Variants in KLHL32 observed in about 807,000 individuals in gnomAD.
KLHL32 encodes the protein kelch like family member 32, also known as kelch-like protein 32.
KLHL32 carries 35 observed loss-of-function variants against 64.8 expected under a neutral mutation model. The observed-to-expected ratio is 0.54, with a 90% CI of 0.41 to 0.72. The LOEUF (loss-of-function observed/expected upper bound fraction) is 0.72. Ranked by LOEUF, KLHL32 falls within the 30% of genes least tolerant of loss-of-function variation. KLHL32 has a pLI of 0.00. For missense variants in KLHL32, 589 were observed against 768.5 expected, an observed-to-expected ratio of 0.77 and a Z score of 2.76; for synonymous variants, 259 against 281.0, an observed-to-expected ratio of 0.92 and a Z score of 0.78.
chr6:97,127,522 G>A, intron 8 of KLHL32, 60 bp downstream of exon 8: 1 of 1,329,132 alleles, frequency 7.5e-7, no homozygotes, highest in South Asian at 1.2e-5. Flanking sequence ...AGATTCCAGA[G>A]TAATTAGTAA....
intron 1 of KLHL32, among the ~76,000 whole-genome samples, chr6:96,931,109 AAAACAAAC>A (rs71820477): frequency 1.2e-4 from 19 of 152,178 alleles, no homozygotes; most frequent in Admixed American, 1.1e-3. Context: ...ACCAGGATAA[AAAACAAAC>A]AAACAAACAA....
rs71012578 is a variant in KLHL32 at position 96,932,205 on chromosome 6, A to ATTT, written c.-66+7193_-66+7195dup. 1.4e-3 allele frequency among the ~76,000 whole-genome samples: 143 copies of ATTT among 104,480 alleles called. 2 individuals are homozygous for ATTT. The East Asian group carries it at 0.02, about 14-fold the overall frequency. The allele number at this position is 104,480 out of a possible 152,430, so 68.5% of individuals were successfully genotyped here. A position where few individuals can be genotyped will look rare whatever the true frequency, so the allele number is the denominator to read the frequency against. On this transcript the variant is annotated intron_variant, in intron 1 of 10. Transcript: ENST00000369261. ...TTGAGCTGATAGAACTGACTGGGTT[A>ATTT]TTTTTTTTTTTTTTTTGAGATTTCA...
intron 6 of KLHL32, among the ~76,000 whole-genome samples, chr6:97,087,930 G>A (rs1793673399): frequency 6.6e-6 from 1 of 152,156 alleles, no homozygotes; most frequent in South Asian, 2.1e-4. Flanking sequence ...GCAGGCCACG[G>A]TAATCATTCT....
At chr6:97,012,903 G>C (rs981488815) in intron 3 of KLHL32, among the ~76,000 whole-genome samples, 8 of 152,184 alleles carry the variant, frequency 5.3e-5, no homozygotes, top group Non-Finnish European at 1.2e-4. Flanking sequence ...TGTTTTGGTT[G>C]TGGTTATTTT....
the KLHL32 span, among the ~76,000 whole-genome samples, chr6:96,902,979 T>G: frequency 6.6e-6 from 1 of 152,086 alleles, no homozygotes. Context: ...CCATGCTGTT[T>G]TGGTTACTGT....
chr6:97,048,039 C>A (rs1275234331), intron 4 of KLHL32, among the ~76,000 whole-genome samples: 1 of 152,180 alleles, frequency 6.6e-6, no homozygotes, highest in Non-Finnish European at 1.5e-5. Context: ...AAATACCTTA[C>A]ATGTAGTGGA....
chr6:97,083,105 G>A (rs1792827424), intron 5 of KLHL32, among the ~76,000 whole-genome samples: 1 of 152,048 alleles, frequency 6.6e-6, no homozygotes, highest in Non-Finnish European at 1.5e-5. Flanking sequence ...TTTGTACTTG[G>A]GGAAGGCTGG....
At chr6:96,994,168 C>T (rs983918703) in intron 3 of KLHL32, among the ~76,000 whole-genome samples, 1 of 152,198 alleles carries the variant, frequency 6.6e-6, no homozygotes, top group African/African-American at 2.4e-5. Context: ...TGTCTCCCAA[C>T]AGTCACATGC....
intron 7 of KLHL32, among the ~76,000 whole-genome samples, chr6:97,115,587 G>A (rs554767136): frequency 8.5e-5 from 13 of 152,218 alleles, no homozygotes; most frequent in African/African-American, 3.1e-4. Flanking sequence ...ACCCCTCTGG[G>A]CTGCCTTTTT....
At chr6:96,985,091 T>G (rs1776847557) in intron 3 of KLHL32, among the ~76,000 whole-genome samples, 2 of 152,216 alleles carry the variant, frequency 1.3e-5, no homozygotes, top group African/African-American at 4.8e-5. Context: ...TCTCAGTATT[T>G]GCTTGTCTGT....
chr6:97,061,514 C>T (rs1260765551), intron 4 of KLHL32, among the ~76,000 whole-genome samples: 2 of 152,202 alleles, frequency 1.3e-5, no homozygotes, highest in East Asian at 1.9e-4. Context: ...CTCACATTAG[C>T]TCCTATTCCC....
the KLHL32 span, among the ~76,000 whole-genome samples, chr6:96,906,174 A>AC: frequency 6.6e-6 from 1 of 152,066 alleles, no homozygotes; most frequent in Non-Finnish European, 1.5e-5. Context: ...GAAGTCTATG[A>AC]CCCCCAATGA....
At chr6:97,121,002 A>T (rs1456772459) in intron 7 of KLHL32, among the ~76,000 whole-genome samples, 1 of 152,182 alleles carries the variant, frequency 6.6e-6, no homozygotes, top group African/African-American at 2.4e-5. Context: ...CTTGTTAGAG[A>T]GCTAAATGAT....
intron 1 of KLHL32, among the ~76,000 whole-genome samples, chr6:96,953,983 T>G (rs1365717169): frequency 1.3e-5 from 2 of 152,132 alleles, no homozygotes; most frequent in Non-Finnish European, 2.9e-5. Context: ...TCTCTCTGGA[T>G]CTTTCTGAAC....
chr6:97,037,744 A>C (rs1336721110), intron 3 of KLHL32, among the ~76,000 whole-genome samples: 2 of 152,184 alleles, frequency 1.3e-5, no homozygotes, highest in African/African-American at 4.8e-5. Flanking sequence ...AAAAGAACAA[A>C]GACATTACAC....
chr6:96,973,730 C>CTCTTTTTTTTTT (rs1554208428), intron 2 of KLHL32, among the ~76,000 whole-genome samples: 3 of 118,256 alleles, frequency 2.5e-5, no homozygotes, highest in African/African-American at 9.8e-5. Flanking sequence ...TACAGATTGC[C>CTCTTTTTTTTTT]TTTTTTTTTT....
At chr6:96,968,152 G>T (rs1774677802) in intron 2 of KLHL32, among the ~76,000 whole-genome samples, 1 of 152,172 alleles carries the variant, frequency 6.6e-6, no homozygotes, top group Non-Finnish European at 1.5e-5. Context: ...GCTGTAGCAG[G>T]TGTAACGCCT....
At chr6:96,898,497 T>C in the KLHL32 span, among the ~76,000 whole-genome samples, 1 of 152,210 alleles carries the variant, frequency 6.6e-6, no homozygotes, top group Admixed American at 6.5e-5. Context: ...TCCATTATTT[T>C]TTACATCCCG....
intron 1 of KLHL32, among the ~76,000 whole-genome samples, chr6:96,925,232 C>T (rs750982245): frequency 2.6e-5 from 4 of 152,190 alleles, no homozygotes; most frequent in Admixed American, 2.0e-4. Flanking sequence ...CCTTTCTTCC[C>T]TCCCCCTGAG....
Sources: gnomAD v4.1 joint callset for allele counts (sites outside exome capture counted in the v4.1 genomes callset) on GRCh38, gnomAD v4.1.1 for gene constraint, MANE v1.5 for transcripts, NCBI Gene and HGNC (gene_info 2026-07-23, HGNC 2026-07-21) for gene names.